LAMC1: variants seen among roughly 807,000 people sequenced by gnomAD.
LAMC1 encodes laminin subunit gamma-1.
A neutral mutation model predicts 173.6 loss-of-function variants in LAMC1; 38 were observed. The observed-to-expected ratio is 0.22, with a 90% CI of 0.17 to 0.29. The LOEUF is 0.29. Ranked by LOEUF, LAMC1 falls within the 10% of genes least tolerant of loss-of-function variation. The pLI is 1.00. For synonymous variants in LAMC1, 746 were observed against 749.1 expected, an observed-to-expected ratio of 1.00 and a Z score of 0.07; for missense variants, 1,824 against 2,051.8, an observed-to-expected ratio of 0.89 and a Z score of 2.14.
intron 21 of LAMC1, 85 bp downstream of exon 21, chr1:183,132,622 A>G (rs1263973621): frequency 2.9e-6 from 3 of 1,027,846 alleles, no homozygotes; most frequent in Non-Finnish European, 4.5e-6. Flanking sequence ...ATGCTGGTGC[A>G]TTCAGGGCAT....
At chr1:183,079,445 G>A (rs1655210903) in intron 1 of LAMC1, among the ~76,000 whole-genome samples, 1 of 151,412 alleles carries the variant, frequency 6.6e-6, no homozygotes, top group Admixed American at 6.6e-5. Context: ...TGGTAGAGAC[G>A]GGGTTTCACT....
chr1:183,024,183 C>G, intron 1 of LAMC1, 49 bp downstream of exon 1: 1 of 1,489,444 alleles, frequency 6.7e-7, no homozygotes, highest in Non-Finnish European at 9.0e-7. Context: ...AGCAGCCCAG[C>G]TCCCGGACCG....
At chr1:183,094,868 A>G (rs984384037) in intron 1 of LAMC1, among the ~76,000 whole-genome samples, 2 of 152,094 alleles carry the variant, frequency 1.3e-5, no homozygotes, top group African/African-American at 2.4e-5. Context: ...CGTTTTTGAG[A>G]TGGAGCCTTG....
chr1:183,094,825 A>T (rs1415081853), intron 1 of LAMC1, among the ~76,000 whole-genome samples: 1 of 152,180 alleles, frequency 6.6e-6, no homozygotes, highest in African/African-American at 2.4e-5. Context: ...GCACTGTAGC[A>T]AAATGAAGGA....
chr1:183,068,913 G>C (rs1443930119), intron 1 of LAMC1, among the ~76,000 whole-genome samples: 1 of 152,056 alleles, frequency 6.6e-6, no homozygotes, highest in Non-Finnish European at 1.5e-5. Flanking sequence ...CTGCACTCCA[G>C]CCTGGCAACA....
intron 20 of LAMC1, 50 bp downstream of exon 20, chr1:183,131,428 G>GTGTGTGTGTGTGTGTGTGTGTGTGT (rs1553258264): frequency 3.4e-6 from 3 of 873,154 alleles, no homozygotes; most frequent in African/African-American, 3.6e-5. Flanking sequence ...TCTGTTATGG[G>GTGTGTGTGTGTGTGTGTGTGTGTGT]GTGTGTGTGT....
intron 27 of LAMC1, 26 bp from the exon 28 acceptor site, chr1:183,142,503 GTTCTC>G (rs1657143185): frequency 4.4e-6 from 7 of 1,577,542 alleles, no homozygotes; most frequent in Non-Finnish European, 5.2e-6. Context: ...GAATATGTCT[GTTCTC>G]TTCTATGTAC....
chr1:183,090,546 G>T (rs1038375959), intron 1 of LAMC1, among the ~76,000 whole-genome samples: 1 of 152,210 alleles, frequency 6.6e-6, no homozygotes, highest in Non-Finnish European at 1.5e-5. Flanking sequence ...GTGCCAGCTG[G>T]CAGGGTACTT....
At chr1:183,089,769 G>A (rs1246615640) in intron 1 of LAMC1, among the ~76,000 whole-genome samples, 1 of 152,112 alleles carries the variant, frequency 6.6e-6, no homozygotes, top group Non-Finnish European at 1.5e-5. Context: ...GGCTGTTCTA[G>A]GACATAGTTT....
At chr1:183,128,514 T>G (rs1656688463) in intron 17 of LAMC1, 80 bp from the exon 18 acceptor site, 11 of 1,217,186 alleles carry the variant, frequency 9.0e-6, no homozygotes, top group Non-Finnish European at 1.3e-5. Context: ...GTGCCCATGA[T>G]TCCTGCAGGA....
chr1:183,054,770 A>G (rs2102026375), intron 1 of LAMC1, among the ~76,000 whole-genome samples: 1 of 152,206 alleles, frequency 6.6e-6, no homozygotes, highest in East Asian at 1.9e-4. Flanking sequence ...TTTGGCTTTG[A>G]TTAAGAGGGA....
chr1:183,125,684 G>A (rs1052833879), intron 15 of LAMC1, 134 bp downstream of exon 15: 4 of 638,810 alleles, frequency 6.3e-6, no homozygotes, highest in Non-Finnish European at 1.1e-5. Context: ...CATCCTTCAG[G>A]GGCAGTGCTG....
Position 183,144,910 on chromosome 1 carries a change from G to A in LAMC1, c.*2120G>A, listed in dbSNP as rs1657215259. 6.6e-6 allele frequency: 1 copy of A among 152,178 alleles called. No individual in the cohort carries two copies. The highest frequency in any genetic ancestry group is 1.5e-5 in the Non-Finnish European group (1 of 68,046). The allele number at this position is 152,178 out of a possible 1,614,324, so 9.4% of individuals were successfully genotyped here. ...GGATATACCAGAGTTTACCACAAGT[G>A]TTTTGACGATATACTCCTGAGCTTT... On this transcript the variant is annotated 3_prime_UTR_variant, in exon 28 of 28. Transcript: ENST00000258341.
chr1:183,061,727 C>T (rs1654750248), intron 1 of LAMC1, among the ~76,000 whole-genome samples: 1 of 152,182 alleles, frequency 6.6e-6, no homozygotes, highest in East Asian at 1.9e-4. Flanking sequence ...TTAATACATT[C>T]TGTCTCTTAT....
chr1:183,141,466 CCTT>C (rs1302608985), intron 27 of LAMC1, among the ~76,000 whole-genome samples: 1 of 152,166 alleles, frequency 6.6e-6, no homozygotes, highest in Non-Finnish European at 1.5e-5. Context: ...CATACGGAAA[CCTT>C]CTTTTAATCC....
chr1:183,054,878 C>G (rs1654542532), intron 1 of LAMC1, among the ~76,000 whole-genome samples: 1 of 152,136 alleles, frequency 6.6e-6, no homozygotes, highest in South Asian at 2.1e-4. Flanking sequence ...AGGAGCAGGC[C>G]AGGAAGCCAG....
chr1:183,132,630 C>A, intron 21 of LAMC1, 93 bp downstream of exon 21: 1 of 923,888 alleles, frequency 1.1e-6, no homozygotes, highest in Non-Finnish European at 1.7e-6. Flanking sequence ...GCATTCAGGG[C>A]ATACATTCAT....
chr1:183,069,994 T>C (rs1294446679), intron 1 of LAMC1, among the ~76,000 whole-genome samples: 2 of 152,182 alleles, frequency 1.3e-5, no homozygotes, highest in Admixed American at 1.3e-4. Flanking sequence ...TAGTTTGAGA[T>C]GGCACAGTGC....
In LAMC1 at chr1:183,130,454, G is replaced by T; in HGVS notation, c.3391G>T (p.Ala1131Ser). The T allele has an allele frequency of 6.2e-7, 1 of 1,614,180 alleles. No homozygotes were observed. Among genetic ancestry groups the T allele is most frequent in the Non-Finnish European group, 8.5e-7 (1 of 1,180,018 alleles). ...RNTIEETGNL[A>S]EQARAHVENT... The stretch of plus-strand genomic sequence containing the variant: ...TACCATTGAAGAGACTGGAAACTTG[G>T]CTGAACAAGCGCGTGCCCATGTAGA... The change falls in exon 19 of 28, where the codon GCT becomes TCT. Residue 1131 changes from alanine (A) to serine (S), a missense_variant. By Grantham distance (99) the Ala-to-Ser change is moderately conservative. Transcript: ENST00000258341.
Sources: gnomAD v4.1 joint callset for allele counts (sites outside exome capture counted in the v4.1 genomes callset) on GRCh38, gnomAD v4.1.1 for gene constraint, MANE v1.5 for transcripts, NCBI Gene and HGNC (gene_info 2026-07-23, HGNC 2026-07-21) for gene names.